REPS1: variants seen among roughly 807,000 people sequenced by gnomAD.
REPS1 encodes ralBP1-associated Eps domain-containing protein 1.
REPS1 carries 39 observed loss-of-function variants against 100.9 expected under a neutral mutation model. That is an observed-to-expected ratio of 0.39 (90% CI 0.30 to 0.50). REPS1 has a LOEUF of 0.50. Ranked by LOEUF, REPS1 falls within the 20% of genes least tolerant of loss-of-function variation. The pLI, the probability that REPS1 is intolerant of heterozygous loss-of-function variation, is 0.86. For missense variants in REPS1, 821 were observed against 968.5 expected (o/e 0.85, Z 2.02); for synonymous variants, 324 against 340.3 (o/e 0.95, Z 0.53).
At chr6:138,958,821 C>T (rs1476024333) in intron 1 of REPS1, among the ~76,000 whole-genome samples, 1 of 152,078 alleles carries the variant, frequency 6.6e-6, no homozygotes, top group African/African-American at 2.4e-5. Context: ...GCCCTTTTGC[C>T]TTGTATGCCA....
chr6:138,915,731 G>A, intron 14 of REPS1, 127 bp downstream of exon 14: 2 of 704,634 alleles, frequency 2.8e-6, no homozygotes, highest in East Asian at 2.9e-5. Flanking sequence ...ACAGGCATGA[G>A]CAACCACACT....
chr6:138,923,716 G>A (rs1434697719), intron 10 of REPS1, among the ~76,000 whole-genome samples: 1 of 152,148 alleles, frequency 6.6e-6, no homozygotes, highest in East Asian at 1.9e-4. Flanking sequence ...AACTATGAAA[G>A]CTTAATAACT....
intron 17 of REPS1, among the ~76,000 whole-genome samples, chr6:138,909,542 G>A (rs116605712): frequency 0.026 from 3,982 of 152,122 alleles, 165 homozygotes; most frequent in African/African-American, 0.09. Context: ...GGTTTGGCTC[G>A]GTGTCCCCAG....
At chr6:138,980,246 C>T (rs1784860529) in intron 1 of REPS1, among the ~76,000 whole-genome samples, 1 of 152,246 alleles carries the variant, frequency 6.6e-6, no homozygotes, top group Admixed American at 6.5e-5. Flanking sequence ...GCTGCCTGGA[C>T]TGTTGCATAT....
chr6:138,967,046 G>C (rs1784064798), intron 1 of REPS1, among the ~76,000 whole-genome samples: 1 of 152,200 alleles, frequency 6.6e-6, no homozygotes, highest in Non-Finnish European at 1.5e-5. Context: ...CTGCCTTCGT[G>C]AATAGATTAA....
intron 1 of REPS1, among the ~76,000 whole-genome samples, chr6:138,953,460 T>G (rs1456196016): frequency 6.6e-6 from 1 of 151,858 alleles, no homozygotes; most frequent in Non-Finnish European, 1.5e-5. Context: ...AAGATTAATA[T>G]CTAAAATATA....
At chr6:138,987,238 C>G (rs1365367546) in intron 1 of REPS1, among the ~76,000 whole-genome samples, 1 of 152,244 alleles carries the variant, frequency 6.6e-6, no homozygotes, top group African/African-American at 2.4e-5. Context: ...TAAGATCCTT[C>G]AAGTGAGATA....
chr6:138,979,180 C>CAAAAAG (rs1784775364), intron 1 of REPS1, among the ~76,000 whole-genome samples: 1 of 59,334 alleles, frequency 1.7e-5, no homozygotes. Flanking sequence ...GAATCCATCA[C>CAAAAAG]AAAAAAAAAA....
chr6:138,907,855 TAAAGTAGGTACTGGC>T (rs1384273396), intron 18 of REPS1, among the ~76,000 whole-genome samples: 1 of 152,090 alleles, frequency 6.6e-6, no homozygotes, highest in Admixed American at 6.5e-5. Flanking sequence ...TAAAAGAGTC[TAAAGTAGGTACTGGC>T]AAACCTTTTC....
At chr6:138,975,176 TCCA>T (rs1308593849) in intron 1 of REPS1, among the ~76,000 whole-genome samples, 1 of 152,040 alleles carries the variant, frequency 6.6e-6, no homozygotes, top group Non-Finnish European at 1.5e-5. Context: ...ACATACAAAA[TCCA>T]CCACATTATC....
chr6:138,955,979 T>C (rs932774637), intron 1 of REPS1, among the ~76,000 whole-genome samples: 1 of 152,178 alleles, frequency 6.6e-6, no homozygotes, highest in Non-Finnish European at 1.5e-5. Context: ...ATAGTGGACT[T>C]TATATAGTTA....
Position 138,943,982 on chromosome 6 carries a change from T to C in REPS1, c.787A>G (p.Thr263Ala). 1 of 1,613,956 alleles carries C rather than the reference T, an allele frequency of 6.2e-7. No individual in the cohort carries two copies. The highest frequency in any genetic ancestry group is 8.5e-7 in the Non-Finnish European group (1 of 1,179,892). Reference sequence around the variant, plus strand: ...TGCCTACGAATTTCAATGGCAGTTGTAGCTGATGCTACAGTTCGTACTGTT... The same window carrying C: ...TGCCTACGAATTTCAATGGCAGTTGCAGCTGATGCTACAGTTCGTACTGTT... ...QTTVRTVASA[T>A]TAIEIRRQSS... is the part of the protein sequence containing the mutation. Residue 263 changes from threonine (T) to alanine (A), a missense_variant, in exon 6 of 20, where the codon ACA (threonine) becomes GCA (alanine). Transcript: ENST00000450536.
Position 138,904,741 on chromosome 6 carries a change from T to G in REPS1, c.*323A>C. On this transcript the variant is annotated 3_prime_UTR_variant, in exon 20 of 20. Transcript: ENST00000450536. ...TTTATTTCTGAGTCTGTGACTGAGA[T>G]GTAAATGAGGAGCCCATTCTATAAA... 1 of 188,234 alleles carries G rather than the reference T, an allele frequency of 5.3e-6. No individual in the cohort carries two copies. The highest frequency in any genetic ancestry group is 1.1e-5 in the Non-Finnish European group (1 of 91,914). 11.7% of individuals were successfully genotyped at this position (188,234 alleles called of 1,614,324 possible).
intron 1 of REPS1, among the ~76,000 whole-genome samples, chr6:138,984,674 T>C (rs1785155416): frequency 6.6e-6 from 1 of 152,176 alleles, no homozygotes; most frequent in Non-Finnish European, 1.5e-5. Flanking sequence ...GTATCTGCCA[T>C]ACAAAATCAG....
At chr6:138,967,812 A>G (rs997742308) in intron 1 of REPS1, among the ~76,000 whole-genome samples, 1 of 152,208 alleles carries the variant, frequency 6.6e-6, no homozygotes. Flanking sequence ...ATAAAGCACT[A>G]TTCCAAGTAC....
chr6:138,982,367 T>C (rs1785001414), intron 1 of REPS1, among the ~76,000 whole-genome samples: 1 of 152,250 alleles, frequency 6.6e-6, no homozygotes, highest in Non-Finnish European at 1.5e-5. Flanking sequence ...TTCAGCTTCA[T>C]TAACAGGGTA....
At chr6:138,912,689 A>ATT (rs2128430556) in intron 16 of REPS1, 76 bp downstream of exon 16, 2 of 1,384,806 alleles carry the variant, frequency 1.4e-6, no homozygotes, top group Non-Finnish European at 2.1e-6. Context: ...GTCCCCTCTA[A>ATT]TATCTGCTCT....
chr6:138,957,715 G>C (rs1306264636), intron 1 of REPS1, among the ~76,000 whole-genome samples: 2 of 152,052 alleles, frequency 1.3e-5, no homozygotes, highest in Non-Finnish European at 1.5e-5. Flanking sequence ...AGAGGAAGAA[G>C]AACTCAACGG....
At chr6:138,932,431 T>G (rs1781540460) in intron 8 of REPS1, among the ~76,000 whole-genome samples, 1 of 151,482 alleles carries the variant, frequency 6.6e-6, no homozygotes, top group Admixed American at 6.6e-5. Flanking sequence ...AGTTATTGTA[T>G]TCTTCACTTA....
Sources: allele counts gnomAD v4.1 joint callset (sites outside exome capture counted in the v4.1 genomes callset), GRCh38; gene constraint gnomAD v4.1.1; transcripts MANE v1.5; gene names NCBI Gene and HGNC (gene_info 2026-07-23, HGNC 2026-07-21).